SORCS3: variants seen among roughly 807,000 people sequenced by gnomAD.
SORCS3 encodes VPS10 domain-containing receptor SorCS3.
A neutral mutation model predicts 146.3 loss-of-function variants in SORCS3; 57 were observed. That is an observed-to-expected ratio of 0.39 (90% confidence interval 0.31 to 0.49). SORCS3 has a LOEUF of 0.49. SORCS3 is among the 20% of genes least tolerant of loss of function. SORCS3 has a pLI of 0.92. For synonymous variants in SORCS3, 653 were observed against 618.5 expected (o/e 1.06, Z -0.83); for missense variants, 1,341 against 1,575.5 (o/e 0.85, Z 2.52).
At chr10:104,676,369 TA>T (rs1256432242) in intron 1 of SORCS3, among the ~76,000 whole-genome samples, 4 of 152,166 alleles carry the variant, frequency 2.6e-5, no homozygotes, top group Non-Finnish European at 5.9e-5. Flanking sequence ...AGGTTATGGA[TA>T]AAAGCCTCTT....
intron 20 of SORCS3, among the ~76,000 whole-genome samples, chr10:105,223,573 CA>C (rs1277373652): frequency 6.6e-6 from 1 of 152,168 alleles, no homozygotes; most frequent in African/African-American, 2.4e-5. Flanking sequence ...TATATAATGT[CA>C]AAGAAGTTAC....
At position 104,813,298 on chromosome 10, in the gene SORCS3, G is replaced by A. The variant is rs556930021; in HGVS notation, c.628-29494G>A. 2.0e-5 allele frequency among the ~76,000 whole-genome samples: 3 copies of A among 152,282 alleles called. No homozygotes were observed. In the South Asian group the frequency reaches 6.2e-4, roughly 32 times the overall value. On this transcript the variant is annotated intron_variant, in intron 1 of 26. Coordinates refer to ENST00000369701, the MANE Select transcript of SORCS3 (RefSeq NM_014978.3). Reference sequence around the variant, plus strand: ...TGTTTGTGACTTCACATTGTGAAAGGTATCCTCACTTTATTATTCTCTAAT... The same window carrying A: ...TGTTTGTGACTTCACATTGTGAAAGATATCCTCACTTTATTATTCTCTAAT...
intron 4 of SORCS3, among the ~76,000 whole-genome samples, chr10:105,010,817 G>T (rs764951011): frequency 2.0e-5 from 3 of 151,982 alleles, no homozygotes; most frequent in Non-Finnish European, 4.4e-5. Context: ...GATTCTCCAG[G>T]GAGACGCTCA....
chr10:104,728,600 C>A (rs887533121), intron 1 of SORCS3, among the ~76,000 whole-genome samples: 7 of 152,100 alleles, frequency 4.6e-5, no homozygotes, highest in African/African-American at 1.2e-4. Flanking sequence ...AATATGAGGA[C>A]CTTGAAGCTG....
At chr10:105,166,639 G>C (rs1258747771) in intron 12 of SORCS3, among the ~76,000 whole-genome samples, 1 of 152,122 alleles carries the variant, frequency 6.6e-6, no homozygotes, top group African/African-American at 2.4e-5. Context: ...CAGACAAATA[G>C]ATGAAATAAA....
chr10:104,697,483 G>C (rs546825704), intron 1 of SORCS3, among the ~76,000 whole-genome samples: 2 of 152,156 alleles, frequency 1.3e-5, no homozygotes, highest in Non-Finnish European at 2.9e-5. Flanking sequence ...TCTCCTGGGC[G>C]AGAAATTGCT....
intron 4 of SORCS3, among the ~76,000 whole-genome samples, chr10:105,031,956 GC>G (rs1404152977): frequency 3.3e-5 from 5 of 152,152 alleles, no homozygotes; most frequent in Non-Finnish European, 7.3e-5. Context: ...ACTTTGGAAG[GC>G]CGAGGCAGGC....
intron 4 of SORCS3, among the ~76,000 whole-genome samples, chr10:105,022,297 CTTTTTT>C (rs55738895): frequency 7.7e-6 from 1 of 130,070 alleles, no homozygotes; most frequent in African/African-American, 2.9e-5. Context: ...TTTTTCTTTT[CTTTTTT>C]TTTTTTTTTT....
At chr10:104,724,158 T>C (rs2016590933) in intron 1 of SORCS3, among the ~76,000 whole-genome samples, 1 of 152,224 alleles carries the variant, frequency 6.6e-6, no homozygotes, top group African/African-American at 2.4e-5. Context: ...GGAGCTCTTT[T>C]AGGGCAGTCC....
At chr10:105,073,230 CAGGA>C (rs1008989432) in intron 5 of SORCS3, among the ~76,000 whole-genome samples, 1 of 152,140 alleles carries the variant, frequency 6.6e-6, no homozygotes, top group African/African-American at 2.4e-5. Context: ...CTTTCTACAC[CAGGA>C]AGACTGGGCT....
At chr10:105,256,555 G>T (rs1290433731) in intron 24 of SORCS3, among the ~76,000 whole-genome samples, 1 of 152,190 alleles carries the variant, frequency 6.6e-6, no homozygotes, top group Non-Finnish European at 1.5e-5. Flanking sequence ...CCCTGAGCTG[G>T]ACATACGTTG....
At chr10:105,140,773 T>C (rs2056089919) in intron 8 of SORCS3, among the ~76,000 whole-genome samples, 1 of 152,146 alleles carries the variant, frequency 6.6e-6, no homozygotes, top group Admixed American at 6.5e-5. Context: ...GCAGAGACCA[T>C]TTTAAGTAGC....
intron 20 of SORCS3, among the ~76,000 whole-genome samples, chr10:105,232,859 C>T (rs2056772940): frequency 6.6e-6 from 1 of 151,844 alleles, no homozygotes; most frequent in Non-Finnish European, 1.5e-5. Flanking sequence ...TTATTTATTG[C>T]TCAATTTAAT....
chr10:104,767,815 C>T (rs1345392413), intron 1 of SORCS3, among the ~76,000 whole-genome samples: 1 of 146,594 alleles, frequency 6.8e-6, no homozygotes, highest in African/African-American at 2.5e-5. Context: ...TCCCCTCCCT[C>T]TTCTTCCCCC....
Position 105,176,043 on chromosome 10 carries a change from G to C in SORCS3, c.1902-2023G>C, listed in dbSNP as rs550798388. Among the ~76,000 whole-genome samples, 8 of 152,272 alleles carry C rather than the reference G, an allele frequency of 5.3e-5. No individual in the cohort carries two copies. In the South Asian group the frequency reaches 1.7e-3, roughly 32 times the overall value. Reference sequence around the variant, plus strand: ...GAACCATGTAGGCTGGCTGCTAATGGGGTGGTAATTCACACCCAACTTATG... The same window carrying C: ...GAACCATGTAGGCTGGCTGCTAATGCGGTGGTAATTCACACCCAACTTATG... On this transcript the variant is annotated intron_variant, in intron 13 of 26. Transcript: ENST00000369701.
At chr10:105,082,894 C>A (rs2055634994) in intron 5 of SORCS3, among the ~76,000 whole-genome samples, 1 of 152,050 alleles carries the variant, frequency 6.6e-6, no homozygotes, top group Non-Finnish European at 1.5e-5. Flanking sequence ...CCACACCCGG[C>A]TAATTTTGTA....
chr10:105,204,863 A>G (rs2056593246), intron 16 of SORCS3, among the ~76,000 whole-genome samples: 1 of 152,214 alleles, frequency 6.6e-6, no homozygotes, highest in South Asian at 2.1e-4. Flanking sequence ...GTTAACTTCA[A>G]TAAGCATAGT....
chr10:105,258,487 C>G (rs2056943280), intron 25 of SORCS3, among the ~76,000 whole-genome samples: 1 of 152,176 alleles, frequency 6.6e-6, no homozygotes, highest in Admixed American at 6.5e-5. Flanking sequence ...AACCAAATGT[C>G]TCATCTCTGA....
intron 4 of SORCS3, among the ~76,000 whole-genome samples, chr10:105,021,891 T>A (rs532622080): frequency 6.6e-6 from 1 of 152,174 alleles, no homozygotes; most frequent in Non-Finnish European, 1.5e-5. Context: ...AGTTCTTCCA[T>A]GGAAAGACCC....
Sources: gnomAD v4.1 joint callset for allele counts (sites outside exome capture counted in the v4.1 genomes callset) on GRCh38, gnomAD v4.1.1 for gene constraint, MANE v1.5 for transcripts, NCBI Gene and HGNC (gene_info 2026-07-23, HGNC 2026-07-21) for gene names.